The following UPF2 variants were observed in gnomAD, a reference collection of about 807,000 sequenced individuals.
The protein encoded by UPF2 is UPF2 regulator of nonsense mediated mRNA decay, also known as regulator of nonsense transcripts 2.
A neutral mutation model predicts 141.4 loss-of-function variants in UPF2; 17 were observed. The ratio of observed to expected loss-of-function variants is 0.12; its 90% CI spans 0.08 to 0.18. The LOEUF (loss-of-function observed/expected upper bound fraction) is 0.18, where lower values mean the gene tolerates loss of function less well. UPF2 is among the 10% of genes least tolerant of loss of function. The pLI is 1.00. For missense variants in UPF2, 1,152 were observed against 1,515.9 expected (o/e 0.76, Z 3.99); for synonymous variants, 540 against 498.0 (o/e 1.08, Z -1.12).
Position 11,928,602 on chromosome 10 carries a change from G to A in UPF2, c.3809+1263C>T, listed in dbSNP as rs541109815. On this transcript the variant is annotated intron_variant, in intron 21 of 21. Transcript: ENST00000357604. ...CGGGCGCCTGTGGTCCCAGCTACTC[G>A]GGAGGCTGAGGCAGGAGAATGGCGT... The A allele has an allele frequency of 1.6e-4, 29 of 185,606 alleles. 1 individual carries two copies. The East Asian group carries it at 4.6e-3, about 30-fold the overall frequency. 11.5% of individuals were successfully genotyped at this position (185,606 alleles called of 1,614,324 possible). A position where few individuals can be genotyped will look rare whatever the true frequency, so the allele number is the denominator to read the frequency against.
At position 11,987,761 on chromosome 10, in the gene UPF2, CAAAAAAAAAAAAA is replaced by C. The variant is rs572687103; in HGVS notation, c.1845-8609_1845-8597del. Among the ~76,000 whole-genome samples the C allele has an allele frequency of 3.5e-4, 19 of 54,160 alleles. No individual in the cohort carries two copies. In the South Asian group the frequency reaches 8.4e-3, roughly 24 times the overall value. The allele number at this position is 54,160 out of a possible 152,430, so 35.5% of individuals were successfully genotyped here. A position where few individuals can be genotyped will look rare whatever the true frequency, so the allele number is the denominator to read the frequency against. ...TGGGCGATAGAGCAAGACTCTGCCT[CAAAAAAAAAAAAA>C]AAAAAAAAAAAAAAAGGCTAAAGGA... On this transcript the variant is annotated intron_variant, in intron 8 of 21. Transcript: ENST00000357604.
In UPF2 at chr10:12,019,687, C is replaced by A. The variant is rs1317649083; in HGVS notation, c.1146-5503G>T. ...GTGAGACATCACTGTCCAGAAGAAT[C>A]TCTAAAGTACGTCAGTCCTTGATTT... On this transcript the variant is annotated intron_variant, in intron 3 of 21. Coordinates refer to ENST00000357604, the MANE Select transcript of UPF2 (RefSeq NM_015542.4). The surrounding 1 kb of genome is among the most constrained non-coding windows in gnomAD (Gnocchi z 4.5). 6.6e-6 allele frequency among the ~76,000 whole-genome samples: 1 copy of A among 152,188 alleles called. No individual in the cohort carries two copies. Among genetic ancestry groups the A allele is most frequent in the Non-Finnish European group, 1.5e-5 (1 of 68,038 alleles).
intron 21 of UPF2, among the ~76,000 whole-genome samples, chr10:11,929,003 G>C (rs950001751): frequency 6.6e-6 from 1 of 152,112 alleles, no homozygotes; most frequent in Non-Finnish European, 1.5e-5. Flanking sequence ...ACAAAAATTA[G>C]CCAGATGCGG....
rs1307226186 is a variant in UPF2, at chr10:11,973,309, AAAAATTTT to A, written c.1953+5740_1953+5747del. On this transcript the variant is annotated intron_variant, in intron 9 of 21. Transcript: ENST00000357604. ...GCCCTTTGTCAGATGGGTAGATTGT[AAAAATTTT>A]CTCCCATTCTGTAGGTTGCCTATTC... Among the ~76,000 whole-genome samples, 74 of 152,296 alleles carry A rather than the reference AAAAATTTT, an allele frequency of 4.9e-4. 1 individual carries two copies. The highest frequency in any genetic ancestry group is 4.8e-3 in the Admixed American group (73 of 15,294).
intron 16 of UPF2, among the ~76,000 whole-genome samples, chr10:11,947,786 C>CAAAAAAAAAAAAAAA (rs58897556): frequency 1.5e-5 from 1 of 65,578 alleles, no homozygotes; most frequent in Admixed American, 2.0e-4. Context: ...AACCTTGTCT[C>CAAAAAAAAAAAAAAA]AAAAAAAAAA....
chr10:11,983,154 T>C (rs1272925520), intron 8 of UPF2, among the ~76,000 whole-genome samples: 2 of 152,204 alleles, frequency 1.3e-5, no homozygotes, highest in African/African-American at 4.8e-5. Flanking sequence ...GCATTTAGTC[T>C]AAGACATTCT....
At chr10:11,961,510 G>A (rs1833240834) in intron 11 of UPF2, among the ~76,000 whole-genome samples, 1 of 151,984 alleles carries the variant, frequency 6.6e-6, no homozygotes, top group African/African-American at 2.4e-5. Flanking sequence ...GAAGAGGGAA[G>A]AGGAGGGAGG....
Position 11,935,524 on chromosome 10 carries a change from A to T in UPF2, c.3546+1021T>A, listed in dbSNP as rs58824957. 0.064 allele frequency among the ~76,000 whole-genome samples: 9,725 copies of T among 152,298 alleles called. 388 individuals are homozygous for T. Among genetic ancestry groups the T allele is most frequent in the Non-Finnish European group, 0.092 (6,252 of 68,006 alleles). On this transcript the variant is annotated intron_variant, in intron 19 of 21. Coordinates refer to ENST00000357604, the MANE Select transcript of UPF2 (RefSeq NM_015542.4). The surrounding 1 kb of genome is among the most constrained non-coding windows in gnomAD (Gnocchi z 4.9). ...AAGCAGAAAGAAATGCTGTCAGTTA[A>T]CACAGGATTTCATGGACTCTAAGAA...
intron 1 of UPF2, among the ~76,000 whole-genome samples, chr10:12,040,423 G>T (rs545517474): frequency 5.0e-4 from 76 of 151,720 alleles, no homozygotes; most frequent in African/African-American, 1.8e-3. Flanking sequence ...TCCGTCTCAA[G>T]AAAAACAAAA....
intron 21 of UPF2, among the ~76,000 whole-genome samples, chr10:11,924,734 C>T (rs1485725404): frequency 2.6e-5 from 4 of 152,076 alleles, no homozygotes; most frequent in Admixed American, 6.5e-5. Context: ...AGATTACAGG[C>T]GTGAGCCACT....
intron 4 of UPF2, among the ~76,000 whole-genome samples, chr10:12,007,971 C>T (rs1007516804): frequency 2.6e-5 from 4 of 151,586 alleles, no homozygotes; most frequent in African/African-American, 9.7e-5. Context: ...CAACCTCTGC[C>T]TCCTGGGTTC....
intron 21 of UPF2, among the ~76,000 whole-genome samples, chr10:11,929,294 C>CTTTT (rs1832753089): frequency 3.3e-5 from 5 of 152,198 alleles, no homozygotes; most frequent in African/African-American, 9.7e-5. Context: ...CTCTCTCTTG[C>CTTTT]TCATCTATAA....
intron 8 of UPF2, among the ~76,000 whole-genome samples, chr10:11,990,070 G>A (rs1423922817): frequency 1.3e-5 from 2 of 151,800 alleles, no homozygotes; most frequent in Admixed American, 6.6e-5. Context: ...CATGAACTTC[G>A]AAAAAAAAGT....
rs1278169235 is a variant in UPF2 at position 12,012,075 on chromosome 10, TG to T, written c.1306+1948del. ...TAAATCAATACCCAAGTATGCTAAA[TG>T]TTTTTTTTTTTTGAGACGGAGTCTT... On this transcript the variant is annotated intron_variant, in intron 4 of 21. Coordinates refer to ENST00000357604, the MANE Select transcript of UPF2 (RefSeq NM_015542.4). Among the ~76,000 whole-genome samples, 232 of 150,316 alleles carry T rather than the reference TG, an allele frequency of 1.5e-3. 1 individual carries two copies. The highest frequency in any genetic ancestry group is 5.3e-3 in the African/African-American group (214 of 40,562).
chr10:12,008,008 A>G (rs1358406275), intron 4 of UPF2, among the ~76,000 whole-genome samples: 4 of 151,422 alleles, frequency 2.6e-5, no homozygotes, highest in Non-Finnish European at 4.4e-5. Flanking sequence ...TCAGTCTCCC[A>G]AGTAGCTGGG....
At chr10:11,950,019 T>C (rs1034121798) in intron 15 of UPF2, among the ~76,000 whole-genome samples, 4 of 152,012 alleles carry the variant, frequency 2.6e-5, no homozygotes, top group East Asian at 1.9e-4. Context: ...AATTTCATAA[T>C]GTATTAAGTA....
At chr10:11,945,584 G>A (rs756163638) in intron 16 of UPF2, among the ~76,000 whole-genome samples, 1 of 152,134 alleles carries the variant, frequency 6.6e-6, no homozygotes, top group Non-Finnish European at 1.5e-5. Context: ...TTTTTATGTA[G>A]CAAACACACA....
At position 11,980,301 on chromosome 10, in the gene UPF2, C is replaced by G. The variant is rs1226504097; in HGVS notation, c.1845-1136G>C. Among the ~76,000 whole-genome samples the G allele has an allele frequency of 2.0e-5, 3 of 152,162 alleles. No homozygotes were observed. Among genetic ancestry groups the G allele is most frequent in the Non-Finnish European group, 4.4e-5 (3 of 68,026 alleles). On this transcript the variant is annotated intron_variant, in intron 8 of 21. Coordinates refer to ENST00000357604, the MANE Select transcript of UPF2 (RefSeq NM_015542.4). This position sits in a 1 kb window ranked among gnomAD's most constrained non-coding sequence, Gnocchi z 4.2. ...GACTCTGAAGATGAGAAGTAATGAG[C>G]AACTGATAAAAGCAGCTTAACTGAC...
Position 12,001,840 on chromosome 10 carries a change from A to G in UPF2, c.1505-15T>C. 3.2e-6 allele frequency: 5 copies of G among 1,575,068 alleles called. No homozygotes were observed. The highest frequency in any genetic ancestry group is 4.3e-6 in the Non-Finnish European group (5 of 1,163,568). ...TTCTTTTGCCTCTGTTGAAAAACAAACAAGTATACCTAAATTCAAAGTCAT... is the reference window on the plus strand; with the variant it reads ...TTCTTTTGCCTCTGTTGAAAAACAAGCAAGTATACCTAAATTCAAAGTCAT... On this transcript the variant is annotated splice_polypyrimidine_tract_variant and intron_variant, in intron 5 of 21. Coordinates refer to ENST00000357604, the MANE Select transcript of UPF2 (RefSeq NM_015542.4).
Sources: allele counts gnomAD v4.1 joint callset (sites outside exome capture counted in the v4.1 genomes callset), GRCh38; gene constraint gnomAD v4.1.1; non-coding constraint Gnocchi (gnomAD v3.1); transcripts MANE v1.5; gene names NCBI Gene and HGNC (gene_info 2026-07-23, HGNC 2026-07-21).